Variants in TCF12 observed in about 807,000 individuals in gnomAD.
The protein encoded by TCF12 is transcription factor 12.
TCF12 carries 45 observed loss-of-function variants against 86.0 expected under a neutral mutation model. The ratio of observed to expected loss-of-function variants is 0.52; its 90% CI spans 0.41 to 0.67. The LOEUF (loss-of-function observed/expected upper bound fraction) is 0.67, where lower values mean the gene tolerates loss of function less well. Ranked by LOEUF, TCF12 falls within the 30% of genes least tolerant of loss-of-function variation. TCF12 has a pLI of 0.00. For missense variants in TCF12, 881 were observed against 859.9 expected, an observed-to-expected ratio of 1.02 and a Z score of -0.31; for synonymous variants, 330 against 299.6, an observed-to-expected ratio of 1.10 and a Z score of -1.05.
chr15:57,174,192 T>C (rs2055740956), intron 6 of TCF12, among the ~76,000 whole-genome samples: 1 of 152,184 alleles, frequency 6.6e-6, no homozygotes, highest in Admixed American at 6.5e-5. Flanking sequence ...TTTTATCAGG[T>C]GAGCAACATC....
At chr15:57,001,096 A>T (rs2064007990) in intron 3 of TCF12, among the ~76,000 whole-genome samples, 1 of 147,034 alleles carries the variant, frequency 6.8e-6, no homozygotes, top group African/African-American at 2.5e-5. Context: ...GGCTCACTGC[A>T]ACCTGTACCT....
At chr15:56,982,792 A>G (rs1408220958) in intron 3 of TCF12, among the ~76,000 whole-genome samples, 1 of 152,216 alleles carries the variant, frequency 6.6e-6, no homozygotes, top group Non-Finnish European at 1.5e-5. Context: ...TTGCTCATCT[A>G]ATTCAAAAAG....
chr15:57,016,983 T>C (rs1355742356), intron 3 of TCF12, among the ~76,000 whole-genome samples: 1 of 152,182 alleles, frequency 6.6e-6, no homozygotes, highest in African/African-American at 2.4e-5. Flanking sequence ...TCCGTGTTGC[T>C]GTCATGACAG....
At chr15:57,143,208 G>A (rs1352867516) in intron 5 of TCF12, among the ~76,000 whole-genome samples, 1 of 149,620 alleles carries the variant, frequency 6.7e-6, no homozygotes, top group Non-Finnish European at 1.5e-5. Flanking sequence ...TTCTGAACTT[G>A]GTCCTTTTGT....
chr15:57,104,871 T>G (rs1348317489), intron 5 of TCF12, among the ~76,000 whole-genome samples: 1,523 of 133,506 alleles, frequency 0.011, 25 homozygotes, highest in African/African-American at 0.042. Flanking sequence ...GTTTTTTTTT[T>G]TTTTTTTTTT....
intron 18 of TCF12, among the ~76,000 whole-genome samples, chr15:57,263,769 T>C (rs1242680557): frequency 6.6e-6 from 1 of 152,224 alleles, no homozygotes; most frequent in African/African-American, 2.4e-5. Context: ...CTGTATACCA[T>C]GTTACTGAAC....
intron 14 of TCF12, among the ~76,000 whole-genome samples, chr15:57,252,036 T>C (rs1015099892): frequency 6.2e-4 from 95 of 152,240 alleles, no homozygotes; most frequent in African/African-American, 1.8e-3. Context: ...TGTATACTTA[T>C]ATTTGTAACC....
intron 6 of TCF12, among the ~76,000 whole-genome samples, chr15:57,186,533 A>G (rs545075747): frequency 1.3e-5 from 2 of 152,268 alleles, no homozygotes; most frequent in Admixed American, 6.5e-5. Flanking sequence ...AAACAGCTTC[A>G]CTAGTGAATT....
At chr15:57,022,898 C>A (rs1331710343) in intron 3 of TCF12, among the ~76,000 whole-genome samples, 1 of 151,976 alleles carries the variant, frequency 6.6e-6, no homozygotes, top group Non-Finnish European at 1.5e-5. Context: ...AATAGTCATA[C>A]CCTAATTTAA....
chr15:56,936,715 G>C (rs1467209796), intron 3 of TCF12, among the ~76,000 whole-genome samples: 1 of 152,118 alleles, frequency 6.6e-6, no homozygotes, highest in Non-Finnish European at 1.5e-5. Context: ...AATTATCCCA[G>C]CACCATTTGT....
intron 3 of TCF12, among the ~76,000 whole-genome samples, chr15:57,007,846 T>TTCCC (rs1185172378): frequency 1.8e-4 from 16 of 87,412 alleles, no homozygotes; most frequent in Middle Eastern, 4.5e-3. Flanking sequence ...CTTTCTCTCT[T>TTCCC]TCCCTCCCTT....
intron 8 of TCF12, among the ~76,000 whole-genome samples, chr15:57,216,654 G>C (rs1365207646): frequency 6.6e-6 from 1 of 150,652 alleles, no homozygotes; most frequent in Non-Finnish European, 1.5e-5. Context: ...CCTGTAATAT[G>C]ATTCTCCTTA....
chr15:57,225,974 T>C (rs1336522722), intron 8 of TCF12, among the ~76,000 whole-genome samples: 1 of 151,842 alleles, frequency 6.6e-6, no homozygotes, highest in African/African-American at 2.4e-5. Context: ...ACTTGTCATT[T>C]AACATTAGGT....
chr15:57,140,952 G>A (rs1164427772), intron 5 of TCF12, among the ~76,000 whole-genome samples: 1 of 151,898 alleles, frequency 6.6e-6, no homozygotes, highest in African/African-American at 2.4e-5. Flanking sequence ...CTCTAATAAT[G>A]TAATACGTTC....
chr15:57,224,231 AT>A lies in TCF12; in HGVS notation c.580-6913del, dbSNP rs554978646. On this transcript the variant is annotated intron_variant, in intron 8 of 20. Transcript: ENST00000333725. ...TCAGGTGCAATATTGTTGAATCTAA[AT>A]TTTTTTTAAAGTAGGTAGGTAACGT... 3.9e-5 allele frequency among the ~76,000 whole-genome samples: 6 copies of A among 151,928 alleles called. No individual in the cohort carries two copies. In the South Asian group the frequency reaches 8.3e-4, roughly 21 times the overall value.
chr15:57,159,462 A>T (rs1455977315), intron 5 of TCF12, among the ~76,000 whole-genome samples: 1 of 152,224 alleles, frequency 6.6e-6, no homozygotes, highest in Non-Finnish European at 1.5e-5. Context: ...GAGTTTTCAA[A>T]GACACTCAAG....
chr15:56,954,088 A>G (rs1377365093), intron 3 of TCF12, among the ~76,000 whole-genome samples: 1 of 152,094 alleles, frequency 6.6e-6, no homozygotes, highest in Non-Finnish European at 1.5e-5. Context: ...TAGTAGCATT[A>G]CAGCAATTTT....
chr15:57,246,672 C>G (rs187445737), intron 13 of TCF12, among the ~76,000 whole-genome samples: 1 of 152,046 alleles, frequency 6.6e-6, no homozygotes, highest in African/African-American at 2.4e-5. Context: ...AAGAAAAAGA[C>G]GAAGCTACAA....
At chr15:57,171,442 G>A (rs375479039) in intron 6 of TCF12, among the ~76,000 whole-genome samples, 12 of 151,340 alleles carry the variant, frequency 7.9e-5, no homozygotes, top group East Asian at 7.7e-4. Context: ...ATTCACAAGC[G>A]ACAAAAAAAA....
Sources: allele counts gnomAD v4.1 joint callset (sites outside exome capture counted in the v4.1 genomes callset), GRCh38; gene constraint gnomAD v4.1.1; transcripts MANE v1.5; gene names NCBI Gene and HGNC (gene_info 2026-07-23, HGNC 2026-07-21).